The following IPCEF1 variants were observed in gnomAD, a reference collection of about 807,000 sequenced individuals.
IPCEF1 encodes interactor protein for cytohesin exchange factors 1.
IPCEF1 carries 31 observed loss-of-function variants against 50.9 expected under a neutral mutation model. That is an observed-to-expected ratio of 0.61 (90% CI 0.46 to 0.82). The LOEUF (loss-of-function observed/expected upper bound fraction) is 0.82. Ranked by LOEUF, IPCEF1 falls within the 40% of genes least tolerant of loss-of-function variation. IPCEF1 has a pLI of 0.00. For missense variants in IPCEF1, 458 were observed against 514.0 expected, an observed-to-expected ratio of 0.89 and a Z score of 1.05; for synonymous variants, 181 against 192.0, an observed-to-expected ratio of 0.94 and a Z score of 0.47.
rs1414039204 is a variant in IPCEF1 at position 154,251,610 on chromosome 6, T to C, written c.37-4122A>G. On this transcript the variant is annotated intron_variant, in intron 3 of 11. Transcript: ENST00000367220. Reference sequence around the variant, plus strand: ...TGCCCAAAGTCACCAAAGTAAATGGTAAAGTGAAAATAGGTATTTCAAGAA... The same window carrying C: ...TGCCCAAAGTCACCAAAGTAAATGGCAAAGTGAAAATAGGTATTTCAAGAA... Among the ~76,000 whole-genome samples the C allele has an allele frequency of 4.6e-5, 7 of 152,108 alleles. 1 individual carries two copies. In the South Asian group the frequency reaches 1.2e-3, roughly 27 times the overall value.
intron 1 of IPCEF1, among the ~76,000 whole-genome samples, chr6:154,307,195 T>C (rs1184757129): frequency 1.3e-5 from 2 of 152,144 alleles, no homozygotes; most frequent in Non-Finnish European, 2.9e-5. Flanking sequence ...ATAATTCCCA[T>C]GTGTTGTGGG....
At chr6:154,192,385 G>A (rs1357512333) in intron 10 of IPCEF1, among the ~76,000 whole-genome samples, 1 of 151,286 alleles carries the variant, frequency 6.6e-6, no homozygotes, top group East Asian at 1.9e-4. Context: ...GAGTATTTTA[G>A]ATAGAGAGAG....
In IPCEF1 at chr6:154,311,875, G is replaced by A. The variant is rs1488652417; in HGVS notation, c.-61-22119C>T. On this transcript the variant is annotated intron_variant, in intron 1 of 11. Transcript: ENST00000367220. ...AAGGAAAATTAGTACAGCCAATATG[G>A]AAAACAGTATGGAAGTTTCTCAAAA... is the stretch of plus-strand genomic sequence containing the variant. Among the ~76,000 whole-genome samples the A allele has an allele frequency of 2.6e-5, 4 of 152,132 alleles. No homozygotes were observed. In the East Asian group the frequency reaches 7.7e-4, roughly 29 times the overall value.
intron 1 of IPCEF1, among the ~76,000 whole-genome samples, chr6:154,331,476 G>A (rs1342132373): frequency 1.6e-5 from 2 of 123,084 alleles, no homozygotes; most frequent in Admixed American, 8.3e-5. Context: ...AAAGAAAGGG[G>A]AAGGAAGAAA....
chr6:154,170,452 A>G (rs1184364169), intron 10 of IPCEF1, among the ~76,000 whole-genome samples: 2 of 152,224 alleles, frequency 1.3e-5, no homozygotes, highest in Admixed American at 6.5e-5. Flanking sequence ...TGCAAGAATT[A>G]GTTTCCCCTA....
At chr6:154,253,126 T>C (rs1781376967) in intron 3 of IPCEF1, among the ~76,000 whole-genome samples, 1 of 152,190 alleles carries the variant, frequency 6.6e-6, no homozygotes, top group Non-Finnish European at 1.5e-5. Context: ...CTTCCCTTTT[T>C]CATTTCCCTC....
At chr6:154,353,186 A>T (rs1192552636) in intron 1 of IPCEF1, among the ~76,000 whole-genome samples, 3 of 152,172 alleles carry the variant, frequency 2.0e-5, no homozygotes, top group Non-Finnish European at 4.4e-5. Context: ...GACTGCAATG[A>T]ACCATGAACT....
intron 5 of IPCEF1, among the ~76,000 whole-genome samples, chr6:154,228,224 G>T (rs920398055): frequency 2.0e-5 from 3 of 151,826 alleles, no homozygotes; most frequent in African/African-American, 7.3e-5. Context: ...CCAGCGCTTT[G>T]GGAGGCCGAG....
chr6:154,179,349 T>C (rs960458674), intron 10 of IPCEF1, among the ~76,000 whole-genome samples: 2 of 152,226 alleles, frequency 1.3e-5, no homozygotes, highest in African/African-American at 4.8e-5. Flanking sequence ...TTTTGCTTTT[T>C]ATATATTTTT....
chr6:154,245,603 T>C (rs1008887439), intron 5 of IPCEF1, among the ~76,000 whole-genome samples: 1 of 152,240 alleles, frequency 6.6e-6, no homozygotes, highest in African/African-American at 2.4e-5. Context: ...TTGAATGACA[T>C]GCATGCCCAC....
In IPCEF1 at chr6:154,331,405, A is replaced by AAGAAAGAAAGAAAGAAAGAAAG. The variant is rs60403800; in HGVS notation, c.-62+25266_-62+25267insCTTTCTTTCTTTCTTTCTTTCT. ...AAAGAAAGAAAGAAAGAAAGAAAGAAAGAGAGAGAAAAAGAAAGAGAGAGA... is the reference window on the plus strand; with the variant it reads ...AAAGAAAGAAAGAAAGAAAGAAAGAAAGAAAGAAAGAAAGAAAGAAAGAGAGAGAGAAAAAGAAAGAGAGAGA... On this transcript the variant is annotated intron_variant, in intron 1 of 11. Transcript: ENST00000367220. Among the ~76,000 whole-genome samples, 151 of 93,014 alleles carry AAGAAAGAAAGAAAGAAAGAAAG rather than the reference A, an allele frequency of 1.6e-3. No homozygotes were observed. The East Asian group carries it at 0.044, about 27-fold the overall frequency. The allele number at this position is 93,014 out of a possible 152,430, so 61.0% of individuals were successfully genotyped here. A position where few individuals can be genotyped will look rare whatever the true frequency, so the allele number is the denominator to read the frequency against.
chr6:154,188,820 G>GATCCAT (rs1801609908), intron 10 of IPCEF1, among the ~76,000 whole-genome samples: 1 of 152,180 alleles, frequency 6.6e-6, no homozygotes. Context: ...TATGGAGTAA[G>GATCCAT]ATGATATTGT....
chr6:154,327,523 C>A (rs1783551695), intron 1 of IPCEF1, among the ~76,000 whole-genome samples: 1 of 152,048 alleles, frequency 6.6e-6, no homozygotes, highest in Non-Finnish European at 1.5e-5. Flanking sequence ...AATGAGATAC[C>A]ATCTCACGCC....
At chr6:154,170,251 T>C (rs1473125660) in intron 10 of IPCEF1, among the ~76,000 whole-genome samples, 1 of 151,996 alleles carries the variant, frequency 6.6e-6, no homozygotes, top group Admixed American at 6.5e-5. Context: ...CTCCTTAATG[T>C]TTATATGTTT....
chr6:154,191,889 A>G (rs1259464879), intron 10 of IPCEF1, among the ~76,000 whole-genome samples: 1 of 152,222 alleles, frequency 6.6e-6, no homozygotes, highest in Non-Finnish European at 1.5e-5. Context: ...CTATAAATCA[A>G]AAAGTGCTCT....
chr6:154,344,473 G>A (rs1403759605), intron 1 of IPCEF1, among the ~76,000 whole-genome samples: 1 of 152,002 alleles, frequency 6.6e-6, no homozygotes, highest in Non-Finnish European at 1.5e-5. Flanking sequence ...GTGACTTTGG[G>A]GCATGTAAAG....
intron 1 of IPCEF1, among the ~76,000 whole-genome samples, chr6:154,299,904 A>G (rs1782750256): frequency 7.1e-6 from 1 of 141,216 alleles, no homozygotes; most frequent in African/African-American, 2.5e-5. Context: ...AAAAACTTGG[A>G]AAACTGTGAA....
intron 5 of IPCEF1, among the ~76,000 whole-genome samples, chr6:154,242,361 C>G (rs561195414): frequency 6.6e-6 from 1 of 152,158 alleles, no homozygotes; most frequent in African/African-American, 2.4e-5. Flanking sequence ...CAAAATCAGT[C>G]CTTACACATG....
rs552911049 is a variant in IPCEF1 at position 154,340,544 on chromosome 6, G to A, written c.-62+16128C>T. ...TGGGATTACAGGCATGAGCCACTGC[G>A]CCCAGCCAGTTTTATACATTTTAGA... On this transcript the variant is annotated intron_variant, in intron 1 of 11. Coordinates refer to ENST00000367220, the MANE Select transcript of IPCEF1 (RefSeq NM_001130700.2). Among the ~76,000 whole-genome samples the A allele has an allele frequency of 9.6e-4, 146 of 151,810 alleles. 2 individuals carry two copies. The highest frequency in any genetic ancestry group is 3.3e-3 in the African/African-American group (135 of 41,438).
Sources: gnomAD v4.1 joint callset for allele counts (sites outside exome capture counted in the v4.1 genomes callset) on GRCh38, gnomAD v4.1.1 for gene constraint, MANE v1.5 for transcripts, NCBI Gene and HGNC (gene_info 2026-07-23, HGNC 2026-07-21) for gene names.